JCAD: variants seen among roughly 807,000 people sequenced by gnomAD.
The protein encoded by JCAD is junctional cadherin 5-associated protein.
JCAD carries 40 observed loss-of-function variants against 98.0 expected under a neutral mutation model. The observed-to-expected ratio is 0.41, with a 90% CI of 0.32 to 0.53. The LOEUF is 0.53. Ranked by LOEUF, JCAD falls within the 20% of genes least tolerant of loss-of-function variation. JCAD has a pLI of 0.31. For missense variants in JCAD, 1,705 were observed against 1,738.1 expected (o/e 0.98, Z 0.34); for synonymous variants, 691 against 682.3 (o/e 1.01, Z -0.20).
chr10:30,107,130 T>G (rs1292321457), intron 1 of JCAD, among the ~76,000 whole-genome samples: 2 of 152,198 alleles, frequency 1.3e-5, no homozygotes, highest in Non-Finnish European at 2.9e-5. Flanking sequence ...TTGTCAGAGA[T>G]GTTTAAACCA....
chr10:30,057,285 C>T (rs1475993334), intron 1 of JCAD, among the ~76,000 whole-genome samples: 3 of 152,192 alleles, frequency 2.0e-5, no homozygotes, highest in African/African-American at 4.8e-5. Flanking sequence ...GGGGGAGCCA[C>T]AGACTTCTGG....
chr10:30,016,224 A>C lies in JCAD; in HGVS notation c.*1659T>G, dbSNP rs982596095. On this transcript the variant is annotated 3_prime_UTR_variant, in exon 4 of 4. Coordinates refer to ENST00000375377, the MANE Select transcript of JCAD (RefSeq NM_020848.4). Reference sequence around the variant, plus strand: ...CCGTTTTAGGGCCAAAGGACAGATCACCCAACGGTTCACATTTTAGGAATT... The same window carrying C: ...CCGTTTTAGGGCCAAAGGACAGATCCCCCAACGGTTCACATTTTAGGAATT... 1.1e-4 allele frequency: 17 copies of C among 152,200 alleles called. No homozygotes were observed. The highest frequency in any genetic ancestry group is 7.2e-4 in the Admixed American group (11 of 15,280). 9.4% of individuals were successfully genotyped at this position (152,200 alleles called of 1,614,324 possible). A position where few individuals can be genotyped will look rare whatever the true frequency, so the allele number is the denominator to read the frequency against.
At position 30,014,993 on chromosome 10, in the gene JCAD, T is replaced by C. The variant is rs1836505721; in HGVS notation, c.*2890A>G. On this transcript the variant is annotated 3_prime_UTR_variant, in exon 4 of 4. Transcript: ENST00000375377. ...GCTGGGTGCACTGTCAGTGAGGAGT[T>C]TTTCTGTACTTTGCAGAAACATGAG... 1 of 152,194 alleles carries C rather than the reference T, an allele frequency of 6.6e-6. No homozygotes were observed. The highest frequency in any genetic ancestry group is 1.5e-5 in the Non-Finnish European group (1 of 68,024). The allele number at this position is 152,194 out of a possible 1,614,324, so 9.4% of individuals were successfully genotyped here.
At chr10:30,035,986 T>C (rs1282097464) in intron 2 of JCAD, among the ~76,000 whole-genome samples, 1 of 152,184 alleles carries the variant, frequency 6.6e-6, no homozygotes, top group African/African-American at 2.4e-5. Flanking sequence ...AATATGAGCA[T>C]GTGAAAAACA....
intron 1 of JCAD, among the ~76,000 whole-genome samples, chr10:30,099,062 C>T (rs1838425589): frequency 6.6e-6 from 1 of 152,134 alleles, no homozygotes; most frequent in Non-Finnish European, 1.5e-5. Context: ...GTAGTTTATC[C>T]TTCACCCAGG....
At chr10:30,085,510 C>T (rs751817377) in intron 1 of JCAD, among the ~76,000 whole-genome samples, 10 of 152,092 alleles carry the variant, frequency 6.6e-5, no homozygotes, top group Non-Finnish European at 1.5e-4. Context: ...ATTAAGGAAG[C>T]AGTGTGATCA....
At chr10:30,050,314 CAAAAAAAA>C (rs61421356) in intron 1 of JCAD, among the ~76,000 whole-genome samples, 12 of 41,764 alleles carry the variant, frequency 2.9e-4, no homozygotes, top group African/African-American at 4.3e-4. Context: ...GACCCTGTCT[CAAAAAAAA>C]AAAAAAAAAA....
chr10:30,026,220 G>C lies in JCAD; in HGVS notation c.3928C>G (p.Arg1310Gly), dbSNP rs372187301. 6.2e-7 allele frequency: 1 copy of C among 1,613,986 alleles called. No homozygotes were observed. The highest frequency in any genetic ancestry group is 8.5e-7 in the Non-Finnish European group (1 of 1,180,038). The change falls in exon 3 of 4, where the codon CGT becomes GGT. Residue 1310 changes from arginine (R) to glycine (G), a missense_variant. Transcript: ENST00000375377. Reference sequence around the variant, plus strand: ...AGTGAGTGGCCCAATCTCTGGGCACGGTCCCCACTGCCAGGAGACACAAGG... The same window carrying C: ...AGTGAGTGGCCCAATCTCTGGGCACCGTCCCCACTGCCAGGAGACACAAGG... The part of the protein sequence containing the change: ...GGLVSPGSGD[R>G]AQRLGHSLSV...
intron 1 of JCAD, among the ~76,000 whole-genome samples, chr10:30,092,979 C>T (rs762738816): frequency 2.6e-5 from 4 of 152,012 alleles, no homozygotes; most frequent in African/African-American, 7.2e-5. Context: ...AGTGAAAAGA[C>T]GGCAGAATGC....
At chr10:30,099,614 A>T (rs1248620899) in intron 1 of JCAD, among the ~76,000 whole-genome samples, 1 of 151,978 alleles carries the variant, frequency 6.6e-6, no homozygotes, top group African/African-American at 2.4e-5. Context: ...AAACATATGA[A>T]TATATATAAT....
rs760690660 is a variant in JCAD, at chr10:30,026,295, C to T, written c.3853G>A (p.Ala1285Thr). 3 of 1,613,934 alleles carry T rather than the reference C, an allele frequency of 1.9e-6. No individual in the cohort carries two copies. The highest frequency in any genetic ancestry group is 2.5e-6 in the Non-Finnish European group (3 of 1,180,038). Residue 1285 changes from alanine (A) to threonine (T), a missense_variant, in exon 3 of 4, where the codon GCC becomes ACC. Ala to Thr is a moderately conservative substitution (Grantham distance 58, BLOSUM62 0). Coordinates refer to ENST00000375377, the MANE Select transcript of JCAD (RefSeq NM_020848.4). Reference sequence around the variant, plus strand: ...CTTGTGGTGGCCTTCAATTCCTCGGCGTCCTCCTGGGAGTCGGCATTCCTG... The same window carrying T: ...CTTGTGGTGGCCTTCAATTCCTCGGTGTCCTCCTGGGAGTCGGCATTCCTG... ...SFRNADSQED[A>T]EELKATTRGQ...
rs199727509 is a variant in JCAD at position 30,027,364 on chromosome 10, C to G, written c.2784G>C (p.Trp928Cys). 8.7e-6 allele frequency: 14 copies of G among 1,610,334 alleles called. No individual in the cohort carries two copies. In the East Asian group the frequency reaches 3.1e-4, roughly 36 times the overall value. The change falls in exon 3 of 4, where the codon TGG becomes TGC. Residue 928 changes from tryptophan (W) to cysteine (C), a missense_variant. This residue lies in a region of JCAD where 1,278 missense variants were observed against 1,243.1 expected (regional missense o/e 1.03). Coordinates refer to ENST00000375377, the MANE Select transcript of JCAD (RefSeq NM_020848.4). Reference protein sequence around the residue: ...EELQPGHPRAWPPSPGRFRVE... With the variant: ...EELQPGHPRACPPSPGRFRVE... The stretch of plus-strand genomic sequence containing the variant: ...CGCGAAAGCGGCCCGGGGATGGAGG[C>G]CAGGCACGTGGGTGGCCAGGCTGCA...
At chr10:30,089,465 C>G (rs1015104744) in intron 1 of JCAD, among the ~76,000 whole-genome samples, 4 of 151,694 alleles carry the variant, frequency 2.6e-5, no homozygotes, top group Admixed American at 2.0e-4. Context: ...TCTGTCAAAT[C>G]CCAGCAGAAC....
chr10:30,051,399 A>ATTTGCCTTGTATACAATTG lies in JCAD; in HGVS notation c.-59-3529_-59-3528insCAATTGTATACAAGGCAAA, dbSNP rs1176425056. On this transcript the variant is annotated intron_variant, in intron 1 of 3. Transcript: ENST00000375377. ...AGTAATATGATTCGTTCTTGAATAC[A>ATTTGCCTTGTATACAATTG]CCATGCAATTGCCTTGTGACCTTAA... Among the ~76,000 whole-genome samples, 4 of 152,276 alleles carry ATTTGCCTTGTATACAATTG rather than the reference A, an allele frequency of 2.6e-5. No homozygotes were observed. The East Asian group carries it at 7.7e-4, about 29-fold the overall frequency.
At chr10:30,060,580 A>G (rs904455889), upstream of JCAD, among the ~76,000 whole-genome samples, 3 of 152,240 alleles carry the variant, frequency 2.0e-5, no homozygotes, top group African/African-American at 7.2e-5. Context: ...CAGACAAAAC[A>G]TGGATGGCAC....
chr10:30,044,899 G>T, intron 2 of JCAD: 1 of 539,216 alleles, frequency 1.9e-6, no homozygotes, highest in Non-Finnish European at 2.4e-6. Flanking sequence ...GGCACTGGCA[G>T]GGATGTCTGC....
intron 2 of JCAD, among the ~76,000 whole-genome samples, chr10:30,041,156 C>T (rs1395166465): frequency 2.6e-5 from 4 of 152,024 alleles, no homozygotes; most frequent in African/African-American, 7.2e-5. Context: ...ATGCAGGAGA[C>T]AGGACCAGCT....
In JCAD at chr10:30,029,190, C is replaced by T; in HGVS notation, c.958G>A (p.Asp320Asn). 3 of 1,614,166 alleles carry T rather than the reference C, an allele frequency of 1.9e-6. No homozygotes were observed. Among genetic ancestry groups the T allele is most frequent in the Non-Finnish European group, 2.5e-6 (3 of 1,180,042 alleles). ...SSDSQDSQQM[D>N]AYVPRHELCL... The stretch of plus-strand genomic sequence containing the variant: ...AGCTCATGCCTGGGGACATAGGCGT[C>T]CATCTGCTGGCTGTCCTGAGAGTCA... The change falls in exon 3 of 4, where the codon GAC becomes AAC. Residue 320 changes from aspartate to asparagine, a missense_variant. Transcript: ENST00000375377.
At chr10:30,077,299 T>C (rs1837998701) in intron 1 of JCAD, among the ~76,000 whole-genome samples, 1 of 152,204 alleles carries the variant, frequency 6.6e-6, no homozygotes, top group South Asian at 2.1e-4. Flanking sequence ...TTTTTTGAGA[T>C]GGAGTCTCGT....
Sources: gnomAD v4.1 joint callset for allele counts (sites outside exome capture counted in the v4.1 genomes callset) on GRCh38, gnomAD v4.1.1 for gene constraint, gnomAD v4.1.1 regional missense constraint, MANE v1.5 for transcripts, NCBI Gene and HGNC (gene_info 2026-07-23, HGNC 2026-07-21) for gene names.